The following PAOX variants were observed in gnomAD, a reference collection of about 807,000 sequenced individuals.
PAOX encodes peroxisomal N(1)-acetyl-spermine/spermidine oxidase.
A neutral mutation model predicts 39.0 loss-of-function variants in PAOX; 38 were observed. That is an observed-to-expected ratio of 0.97 (90% CI 0.75 to 1.28). PAOX has a LOEUF of 1.28. Among genes scored for constraint, PAOX ranks in the 50% most tolerant of loss-of-function variants. PAOX has a pLI of 0.00. For synonymous variants in PAOX, 311 were observed against 314.4 expected (o/e 0.99, Z 0.11); for missense variants, 667 against 685.7 (o/e 0.97, Z 0.30).
chr10:133,380,597 C>T (rs1849339442), intron 2 of PAOX, 112 bp downstream of exon 2: 1 of 1,362,924 alleles, frequency 7.3e-7, no homozygotes, highest in Non-Finnish European at 9.7e-7. Context: ...GACCATTTGT[C>T]CTCCCCATTC....
Position 133,384,693 on chromosome 10 carries a change from G to A in PAOX, c.1121+481G>A, listed in dbSNP as rs1185545431. On this transcript the variant is annotated intron_variant, in intron 4 of 6. Transcript: ENST00000278060. This position sits in a 1 kb window ranked among gnomAD's most constrained non-coding sequence, Gnocchi z 4.3. Reference sequence around the variant, plus strand: ...CTTAGAAACAGCATATCTAGACCACGTGGCGATTCAGGAGTTAATCCCATG... The same window carrying A: ...CTTAGAAACAGCATATCTAGACCACATGGCGATTCAGGAGTTAATCCCATG... 2.0e-5 allele frequency among the ~76,000 whole-genome samples: 3 copies of A among 152,244 alleles called. No individual in the cohort carries two copies. Among genetic ancestry groups the A allele is most frequent in the South Asian group, 2.1e-4 (1 of 4,836 alleles).
In PAOX at chr10:133,384,790, T is replaced by C. The variant is rs1849489963; in HGVS notation, c.1121+578T>C. ...ACAAAGACAGCCTGATATAGTCAGA[T>C]GGCAGAAATAATTCCACGTTTCCAC... On this transcript the variant is annotated intron_variant, in intron 4 of 6. Coordinates refer to ENST00000278060, the MANE Select transcript of PAOX (RefSeq NM_152911.4). The surrounding 1 kb of genome is among the most constrained non-coding windows in gnomAD (Gnocchi z 4.3). Among the ~76,000 whole-genome samples the C allele has an allele frequency of 6.6e-6, 1 of 152,208 alleles. No individual in the cohort carries two copies. The highest frequency in any genetic ancestry group is 2.1e-4 in the South Asian group (1 of 4,832).
rs1300642177 is a variant in PAOX, at chr10:133,389,038, T to C, written c.1204T>C (p.Cys402Arg). 3.1e-6 allele frequency: 5 copies of C among 1,614,042 alleles called. No homozygotes were observed. The highest frequency in any genetic ancestry group is 4.2e-6 in the Non-Finnish European group (5 of 1,179,994). ...TCTGTCGGATGAAGAAGTACTTCTG[T>C]GTCTCACCCAAGTGCTCCGGAGAGT... The part of the protein sequence containing the change: ...ETLSDEEVLL[C>R]LTQVLRRVTG... Residue 402 changes from cysteine (C) to arginine (R), a missense_variant, in exon 5 of 7, where the codon TGT (cysteine) becomes CGT (arginine). Transcript: ENST00000278060.
chr10:133,381,365 CTTT>C, intron 2 of PAOX, 92 bp from the exon 3 acceptor site: 1 of 1,218,106 alleles, frequency 8.2e-7, no homozygotes, highest in Non-Finnish European at 1.2e-6. Flanking sequence ...CCGCAGCTAC[CTTT>C]GATGCGGGTG....
At chr10:133,385,566 T>G (rs1410408236) in intron 4 of PAOX, among the ~76,000 whole-genome samples, 1 of 152,138 alleles carries the variant, frequency 6.6e-6, no homozygotes, top group Non-Finnish European at 1.5e-5. Flanking sequence ...CATCTGTAAA[T>G]TTACCCCATG....
At position 133,384,146 on chromosome 10, in the gene PAOX, C is replaced by T. The variant is rs141232448; in HGVS notation, c.1055C>T (p.Ala352Val). 17,415 of 1,614,172 alleles carry T rather than the reference C, an allele frequency of 0.011. 214 individuals carry two copies. Among genetic ancestry groups the T allele is most frequent in the Middle Eastern group, 0.02 (119 of 6,052 alleles). ...VWEDTSPLED[A>V]APELQDAWFR... is the part of the protein sequence containing the mutation. ...GAGGACACGTCGCCCCTGGAGGATG[C>T]TGCCCCTGAGCTACAGGACGCCTGG... Residue 352 changes from alanine (A) to valine (V), a missense_variant, in exon 4 of 7, where the codon GCT becomes GTT. Coordinates refer to ENST00000278060, the MANE Select transcript of PAOX (RefSeq NM_152911.4). This position sits in a 1 kb window ranked among gnomAD's most constrained non-coding sequence, Gnocchi z 4.3.
chr10:133,384,609 C>T lies in PAOX; in HGVS notation c.1121+397C>T, dbSNP rs576213128. Among the ~76,000 whole-genome samples, 8 of 152,214 alleles carry T rather than the reference C, an allele frequency of 5.3e-5. No individual in the cohort carries two copies. The highest frequency in any genetic ancestry group is 6.5e-5 in the Admixed American group (1 of 15,278). On this transcript the variant is annotated intron_variant, in intron 4 of 6. Coordinates refer to ENST00000278060, the MANE Select transcript of PAOX (RefSeq NM_152911.4). This position sits in a 1 kb window ranked among gnomAD's most constrained non-coding sequence, Gnocchi z 4.3. ...GATGAAATAATTGAAGGAAACATTC[C>T]GAGAAGTAATGGAATGGGAGACCCA...
rs1239370075 is a variant in PAOX, at chr10:133,379,280, G to C, written c.-37G>C. On this transcript the variant is annotated 5_prime_UTR_variant, in exon 1 of 7. Transcript: ENST00000278060. ...CTCCTCCGAGAGCTCCAGACCTCCCGGCTACTCAGAAGCCCTCGGACTGCC... is the reference window on the plus strand; with the variant it reads ...CTCCTCCGAGAGCTCCAGACCTCCCCGCTACTCAGAAGCCCTCGGACTGCC... The C allele has an allele frequency of 7.5e-6, 9 of 1,204,720 alleles. No individual in the cohort carries two copies. Among genetic ancestry groups the C allele is most frequent in the Middle Eastern group, 6.5e-4 (2 of 3,082 alleles). The allele number at this position is 1,204,720 out of a possible 1,614,324, so 74.6% of individuals were successfully genotyped here. A position where few individuals can be genotyped will look rare whatever the true frequency, so the allele number is the denominator to read the frequency against.
intron 6 of PAOX, among the ~76,000 whole-genome samples, chr10:133,390,410 C>CCA (rs59249557): frequency 0.03 from 4,386 of 145,362 alleles, 148 homozygotes; most frequent in African/African-American, 0.086. Flanking sequence ...GAGTCGGTCT[C>CCA]CACACACACA....
At position 133,391,310 on chromosome 10, in the gene PAOX, A is replaced by G; in HGVS notation, c.1393-2A>G. ...CATTCTAACCCTGGCTCTTCTTTGC[A>G]GCTCCAGATCCTGTTTGCGGGGGAA... On this transcript the variant is annotated splice_acceptor_variant, in intron 6 of 6. Transcript: ENST00000278060. LOFTEE classifies it high-confidence loss of function. The G allele has an allele frequency of 6.2e-7, 1 of 1,613,172 alleles. No homozygotes were observed. The highest frequency in any genetic ancestry group is 1.1e-5 in the South Asian group (1 of 91,066).
intron 2 of PAOX, 112 bp downstream of exon 2, chr10:133,380,597 C>A: frequency 7.3e-7 from 1 of 1,362,922 alleles, no homozygotes. Context: ...GACCATTTGT[C>A]CTCCCCATTC....
intron 3 of PAOX, 79 bp downstream of exon 3, chr10:133,381,738 G>T (rs1375325667): frequency 4.1e-6 from 6 of 1,453,854 alleles, no homozygotes; most frequent in Non-Finnish European, 5.7e-6. Flanking sequence ...TGGCTCTGGG[G>T]CGTTTGCTTG....
Position 133,385,491 on chromosome 10 carries a change from G to A in PAOX, c.1121+1279G>A, listed in dbSNP as rs114018111. Among the ~76,000 whole-genome samples the A allele has an allele frequency of 6.5e-3, 988 of 152,206 alleles. 10 individuals carry two copies. Among genetic ancestry groups the A allele is most frequent in the Middle Eastern group, 0.034 (10 of 294 alleles). ...CTGTCTGTGGCACGGGGTGGTAGCT[G>A]TCCCATCCTTTTATATACCTGCAAA... On this transcript the variant is annotated intron_variant, in intron 4 of 6. Transcript: ENST00000278060.
Position 133,380,703 on chromosome 10 carries a change from A to G in PAOX, c.668+218A>G, listed in dbSNP as rs7085566. 0.99 allele frequency among the ~76,000 whole-genome samples: 150,693 copies of G among 152,386 alleles called. 74,532 individuals are homozygous for G. The highest frequency in any genetic ancestry group is 1 in the Middle Eastern group (294 of 294). On this transcript the variant is annotated intron_variant, in intron 2 of 6. Coordinates refer to ENST00000278060, the MANE Select transcript of PAOX (RefSeq NM_152911.4). ...TTTAAAAGAAGGAAAGGTAAGGCTG[A>G]GTGCGGTGGCTCACGCCTGTAATCC...
chr10:133,382,336 C>G (rs1030926585), intron 3 of PAOX, among the ~76,000 whole-genome samples: 3 of 152,166 alleles, frequency 2.0e-5, no homozygotes, highest in Admixed American at 6.5e-5. Context: ...ACTTGGAAAT[C>G]TAGGTGTGAT....
intron 1 of PAOX, 28 bp downstream of exon 1, chr10:133,379,525 G>T: frequency 2.5e-6 from 3 of 1,223,882 alleles, no homozygotes; most frequent in Non-Finnish European, 3.1e-6. Context: ...AGCCCCTCCC[G>T]GAACCCAACC....
At chr10:133,383,745 C>T (rs549943241) in intron 3 of PAOX, among the ~76,000 whole-genome samples, 40 of 152,356 alleles carry the variant, frequency 2.6e-4, no homozygotes, top group Non-Finnish European at 5.1e-4. Flanking sequence ...GTCAAGGCTG[C>T]AGTGAGCCCT....
At chr10:133,390,701 C>T (rs1281416031) in intron 6 of PAOX, 8 of 534,978 alleles carry the variant, frequency 1.5e-5, no homozygotes, top group South Asian at 1.4e-4. Context: ...CATGGTCTCT[C>T]TTCAGTGAAC....
chr10:133,389,470 C>A, intron 5 of PAOX, 120 bp from the exon 6 acceptor site: 1 of 1,410,464 alleles, frequency 7.1e-7, no homozygotes, highest in South Asian at 1.3e-5. Context: ...CTCTGCTGCT[C>A]ACTTTTCTTC....
Sources: allele counts gnomAD v4.1 joint callset (sites outside exome capture counted in the v4.1 genomes callset), GRCh38; gene constraint gnomAD v4.1.1; non-coding constraint Gnocchi (gnomAD v3.1); transcripts MANE v1.5; gene names NCBI Gene and HGNC (gene_info 2026-07-23, HGNC 2026-07-21).